EVA1A: variants seen among roughly 807,000 people sequenced by gnomAD.
The protein encoded by EVA1A is eva-1 homolog A, regulator of programmed cell death.
EVA1A carries 7 observed loss-of-function variants against 9.8 expected under a neutral mutation model. The ratio of observed to expected loss-of-function variants is 0.71; its 90% CI spans 0.41 to 1.34. EVA1A has a LOEUF of 1.34. Among genes scored for constraint, EVA1A ranks in the 40% most tolerant of loss-of-function variants. The pLI is 0.01. For synonymous variants in EVA1A, 90 were observed against 85.6 expected (o/e 1.05, Z -0.28); for missense variants, 206 against 205.9 (o/e 1.00, Z 0.00).
chr2:75,517,011 G>C (rs969289802), intron 3 of EVA1A, among the ~76,000 whole-genome samples: 1 of 152,070 alleles, frequency 6.6e-6, no homozygotes, highest in African/African-American at 2.4e-5. Flanking sequence ...CAGAGCCCTG[G>C]ACCTGAGGCA....
intron 1 of EVA1A, among the ~76,000 whole-genome samples, chr2:75,529,505 C>T (rs974150421): frequency 6.6e-6 from 1 of 152,178 alleles, no homozygotes; most frequent in African/African-American, 2.4e-5. Flanking sequence ...GACCACAAAA[C>T]AAGTCTCAAT....
intron 1 of EVA1A, among the ~76,000 whole-genome samples, chr2:75,531,829 C>T (rs1675662100): frequency 6.6e-6 from 1 of 152,096 alleles, no homozygotes; most frequent in Non-Finnish European, 1.5e-5. Flanking sequence ...TTGGGTGATA[C>T]TTGCACCAAA....
Position 75,493,095 on chromosome 2 carries a change from T to C in EVA1A, c.*141A>G. On this transcript the variant is annotated 3_prime_UTR_variant, in exon 4 of 4. Coordinates refer to ENST00000393913, the MANE Select transcript of EVA1A (RefSeq NM_001135032.2). ...TTTGGCCAAAAAGGAGCAATCCTCC[T>C]GGCTAGAAAAGGGGCATGTCCTGCT... is the stretch of plus-strand genomic sequence containing the variant. 1 of 1,257,886 alleles carries C rather than the reference T, an allele frequency of 7.9e-7. No individual in the cohort carries two copies. The highest frequency in any genetic ancestry group is 2.3e-5 in the Admixed American group (1 of 42,828). The allele number at this position is 1,257,886 out of a possible 1,614,324, so 77.9% of individuals were successfully genotyped here. A position where few individuals can be genotyped will look rare whatever the true frequency, so the allele number is the denominator to read the frequency against.
chr2:75,516,914 G>C (rs549342144), intron 3 of EVA1A, among the ~76,000 whole-genome samples: 1 of 152,234 alleles, frequency 6.6e-6, no homozygotes, highest in East Asian at 1.9e-4. Context: ...CCTCTAATGG[G>C]TGAGTGCCTG....
chr2:75,510,906 A>G (rs1023242752), intron 3 of EVA1A, among the ~76,000 whole-genome samples: 5 of 152,226 alleles, frequency 3.3e-5, no homozygotes, highest in East Asian at 1.9e-4. Context: ...CTGCCCAGCC[A>G]TATGTTTTTG....
At chr2:75,540,102 T>C (rs1400927703) in intron 1 of EVA1A, among the ~76,000 whole-genome samples, 3 of 152,174 alleles carry the variant, frequency 2.0e-5, no homozygotes, top group Non-Finnish European at 2.9e-5. Context: ...AAGGAAACCA[T>C]AGGTATGGAG....
At chr2:75,511,579 C>G (rs948332399) in intron 3 of EVA1A, among the ~76,000 whole-genome samples, 3 of 152,168 alleles carry the variant, frequency 2.0e-5, no homozygotes, top group African/African-American at 7.2e-5. Flanking sequence ...GAGGAGAAAA[C>G]TATACCCTTG....
chr2:75,518,608 C>A lies in EVA1A; in HGVS notation c.-68-400G>T, dbSNP rs867877659. 5.1e-6 allele frequency: 5 copies of A among 989,346 alleles called. No individual in the cohort carries two copies. The Middle Eastern group carries it at 1.6e-3, about 309-fold the overall frequency. The allele number at this position is 989,346 out of a possible 1,614,324, so 61.3% of individuals were successfully genotyped here. A position where few individuals can be genotyped will look rare whatever the true frequency, so the allele number is the denominator to read the frequency against. On this transcript the variant is annotated intron_variant, in intron 2 of 3. Transcript: ENST00000393913. ...CCTTTCTCCTTTCTCTGCCCTGTAT[C>A]TTCCTAATTCCCAGTAAACAATTCC...
At chr2:75,511,572 G>A (rs1674812632) in intron 3 of EVA1A, among the ~76,000 whole-genome samples, 4 of 152,170 alleles carry the variant, frequency 2.6e-5, no homozygotes, top group South Asian at 2.1e-4. Flanking sequence ...AATGGAGGAG[G>A]AGAAAACTAT....
At chr2:75,547,314 T>C (rs1210388304) in intron 1 of EVA1A, among the ~76,000 whole-genome samples, 2 of 152,188 alleles carry the variant, frequency 1.3e-5, no homozygotes, top group East Asian at 1.9e-4. Context: ...TCAGGAATGG[T>C]ACAGGCTTTG....
intron 1 of EVA1A, among the ~76,000 whole-genome samples, chr2:75,560,287 G>A (rs1676877224): frequency 1.3e-5 from 2 of 152,278 alleles, no homozygotes; most frequent in Admixed American, 6.5e-5. Context: ...TGGCAGGTCC[G>A]CCCCGCGCAG....
At chr2:75,568,758 G>C (rs555909301) in intron 1 of EVA1A, among the ~76,000 whole-genome samples, 2 of 152,272 alleles carry the variant, frequency 1.3e-5, no homozygotes, top group South Asian at 4.1e-4. Context: ...ATGGCCTCCA[G>C]CTCCATTCAC....
intron 1 of EVA1A, among the ~76,000 whole-genome samples, chr2:75,531,009 A>G (rs1051936270): frequency 1.3e-5 from 2 of 152,094 alleles, no homozygotes; most frequent in Non-Finnish European, 2.9e-5. Flanking sequence ...AACCCTCAAG[A>G]CTCATCAAAA....
intron 1 of EVA1A, among the ~76,000 whole-genome samples, chr2:75,566,777 A>G (rs557528897): frequency 7.9e-5 from 12 of 152,334 alleles, no homozygotes; most frequent in African/African-American, 2.6e-4. Flanking sequence ...CTGATTAATG[A>G]TAGGTTTTTA....
intron 1 of EVA1A, among the ~76,000 whole-genome samples, chr2:75,555,826 C>A (rs1419038944): frequency 6.6e-6 from 1 of 152,204 alleles, no homozygotes; most frequent in African/African-American, 2.4e-5. Flanking sequence ...TTGACTCTTA[C>A]ACATGCTGTT....
At chr2:75,507,781 C>T (rs1267281702) in intron 3 of EVA1A, among the ~76,000 whole-genome samples, 1 of 152,178 alleles carries the variant, frequency 6.6e-6, no homozygotes, top group Admixed American at 6.5e-5. Context: ...ATCCCTCCCT[C>T]CTGAAAAGTC....
intron 1 of EVA1A, among the ~76,000 whole-genome samples, 196 bp from the exon 2 acceptor site, chr2:75,522,683 A>T (rs1458111938): frequency 1.3e-5 from 2 of 152,234 alleles, no homozygotes; most frequent in Admixed American, 6.5e-5. Flanking sequence ...CTAGACAGCC[A>T]GATAAACCAG....
At chr2:75,544,243 C>A (rs1426475374) in intron 1 of EVA1A, among the ~76,000 whole-genome samples, 1 of 152,204 alleles carries the variant, frequency 6.6e-6, no homozygotes, top group Non-Finnish European at 1.5e-5. Context: ...ACTACCATCA[C>A]CCTGGCCCCC....
chr2:75,499,132 C>T (rs1486579244), intron 3 of EVA1A, among the ~76,000 whole-genome samples: 1 of 152,188 alleles, frequency 6.6e-6, no homozygotes, highest in African/African-American at 2.4e-5. Flanking sequence ...GAGAACATGT[C>T]TTGGGGCAAA....
Sources: allele counts gnomAD v4.1 joint callset (sites outside exome capture counted in the v4.1 genomes callset), GRCh38; gene constraint gnomAD v4.1.1; transcripts MANE v1.5; gene names NCBI Gene and HGNC (gene_info 2026-07-23, HGNC 2026-07-21).